LINGO2: variants seen among roughly 807,000 people sequenced by gnomAD.
LINGO2 encodes leucine-rich repeat and immunoglobulin-like domain-containing nogo receptor-interacting protein 2.
A neutral mutation model predicts 30.6 loss-of-function variants in LINGO2; 14 were observed. The ratio of observed to expected loss-of-function variants is 0.46; its 90% CI spans 0.30 to 0.72. The LOEUF is 0.72. Among genes scored for constraint, LINGO2 ranks in the 30% least tolerant of loss-of-function variants. LINGO2 has a pLI of 0.07. For synonymous variants in LINGO2, 317 were observed against 288.5 expected (o/e 1.10, Z -1.00); for missense variants, 729 against 751.7 (o/e 0.97, Z 0.35).
intron 1 of LINGO2, among the ~76,000 whole-genome samples, chr9:28,598,515 T>C (rs890208607): frequency 6.7e-6 from 1 of 148,556 alleles, no homozygotes; most frequent in East Asian, 2.0e-4. Flanking sequence ...CCAGGGAAAA[T>C]AGCAGGTGGC....
At chr9:27,945,403 G>GA (rs1282965838), downstream of LINGO2, among the ~76,000 whole-genome samples, 5 of 152,022 alleles carry the variant, frequency 3.3e-5, no homozygotes, top group Non-Finnish European at 7.4e-5. Context: ...ACAGAATAAT[G>GA]AAAAAAGAAT....
At chr9:28,027,825 T>C (rs1823458207) in intron 4 of LINGO2, among the ~76,000 whole-genome samples, 1 of 152,148 alleles carries the variant, frequency 6.6e-6, no homozygotes. Context: ...TAGACAGCAA[T>C]TGGTAGTGAT....
intron 3 of LINGO2, among the ~76,000 whole-genome samples, chr9:28,332,730 A>G (rs532316699): frequency 3.4e-4 from 52 of 152,294 alleles, no homozygotes; most frequent in Admixed American, 7.8e-4. Flanking sequence ...GATTGAAACA[A>G]GAACCTTATT....
At chr9:28,540,258 GTC>G (rs375822027) in intron 1 of LINGO2, among the ~76,000 whole-genome samples, 5 of 136,898 alleles carry the variant, frequency 3.7e-5, no homozygotes, top group Non-Finnish European at 3.2e-5. Flanking sequence ...CTCTCTTTCT[GTC>G]TCTCTCTCTC....
At chr9:29,169,359 T>C in the LINGO2 span, among the ~76,000 whole-genome samples, 1 of 151,760 alleles carries the variant, frequency 6.6e-6, no homozygotes, top group African/African-American at 2.4e-5. Context: ...TAATCAAAGG[T>C]GATAAAAAGA....
At chr9:28,206,322 A>C (rs1242247189) in intron 4 of LINGO2, among the ~76,000 whole-genome samples, 1 of 152,140 alleles carries the variant, frequency 6.6e-6, no homozygotes, top group African/African-American at 2.4e-5. Context: ...CTTAGCACTC[A>C]TCTCCAAGAG....
chr9:28,108,009 T>C (rs10812742), intron 4 of LINGO2, among the ~76,000 whole-genome samples: 69,200 of 151,934 alleles, frequency 0.46, 17,613 homozygotes, highest in East Asian at 0.67. Context: ...AACACAGATA[T>C]GAAAATAATA....
At chr9:28,870,531 G>GTATTTTC in the LINGO2 span, among the ~76,000 whole-genome samples, 2 of 151,912 alleles carry the variant, frequency 1.3e-5, no homozygotes, top group Non-Finnish European at 2.9e-5. Context: ...TGCTAGTATA[G>GTATTTTC]TATTTTCTAT....
intron 4 of LINGO2, among the ~76,000 whole-genome samples, chr9:28,238,842 C>G (rs1210517530): frequency 6.6e-6 from 1 of 150,920 alleles, no homozygotes; most frequent in Non-Finnish European, 1.5e-5. Context: ...ATAAATGAAA[C>G]AAATAGTTGT....
chr9:28,522,518 G>A (rs923220984), intron 1 of LINGO2, among the ~76,000 whole-genome samples: 7 of 152,268 alleles, frequency 4.6e-5, no homozygotes, highest in African/African-American at 1.7e-4. Flanking sequence ...AGCACCAGAA[G>A]AGTCATAAGC....
chr9:28,024,984 C>T (rs555038165), intron 4 of LINGO2, among the ~76,000 whole-genome samples: 3 of 152,232 alleles, frequency 2.0e-5, no homozygotes, highest in East Asian at 3.9e-4. Flanking sequence ...GCCTAGCACC[C>T]GGGCGAGATC....
chr9:28,297,989 A>C (rs768378710), intron 3 of LINGO2, among the ~76,000 whole-genome samples: 48 of 152,198 alleles, frequency 3.2e-4, no homozygotes, highest in Admixed American at 1.2e-3. Context: ...GTTTTCTCTA[A>C]AAGGAGATAC....
chr9:28,620,879 G>A (rs1054874270), intron 1 of LINGO2, among the ~76,000 whole-genome samples: 1 of 151,942 alleles, frequency 6.6e-6, no homozygotes, highest in African/African-American at 2.4e-5. Flanking sequence ...TAATGGTTAC[G>A]AGGCTTAATA....
chr9:28,470,120 T>A (rs1030824661), intron 2 of LINGO2, among the ~76,000 whole-genome samples: 1 of 152,158 alleles, frequency 6.6e-6, no homozygotes, highest in East Asian at 1.9e-4. Flanking sequence ...AGTTTTCCTA[T>A]GCATTGGAGT....
At chr9:28,524,667 C>T (rs992197269) in intron 1 of LINGO2, among the ~76,000 whole-genome samples, 12 of 152,100 alleles carry the variant, frequency 7.9e-5, no homozygotes, top group Admixed American at 5.9e-4. Context: ...GCAGGAGAAT[C>T]GCCTGAACCC....
At chr9:28,952,587 A>G in the LINGO2 span, among the ~76,000 whole-genome samples, 18 of 152,130 alleles carry the variant, frequency 1.2e-4, no homozygotes, top group Admixed American at 1.2e-3. Flanking sequence ...GAGGACTTGC[A>G]TCTTCTCCTC....
rs115596988 is a variant in LINGO2 at position 27,952,376 on chromosome 9, T to C, written c.-35-1670A>G. Among the ~76,000 whole-genome samples the C allele has an allele frequency of 6.9e-3, 1,054 of 152,066 alleles. 10 individuals are homozygous for C. The highest frequency in any genetic ancestry group is 0.024 in the African/African-American group (1,002 of 41,558). On this transcript the variant is annotated intron_variant, in intron 5 of 5. Coordinates refer to ENST00000379992, the Ensembl canonical transcript of LINGO2. Reference sequence around the variant, plus strand: ...TGTACTATGTAGAGAGATTAAATATTATAAAAATATTGATTTCTTTTTCCA... The same window carrying C: ...TGTACTATGTAGAGAGATTAAATATCATAAAAATATTGATTTCTTTTTCCA...
chr9:29,119,926 A>G, the LINGO2 span, among the ~76,000 whole-genome samples: 1 of 152,166 alleles, frequency 6.6e-6, no homozygotes. Context: ...TTTAAGAACT[A>G]CTTGAAAAGA....
the LINGO2 span, among the ~76,000 whole-genome samples, chr9:28,868,234 C>A: frequency 6.6e-6 from 1 of 152,006 alleles, no homozygotes; most frequent in East Asian, 1.9e-4. Flanking sequence ...GTGAATAAGT[C>A]CTCATTGATG....
Sources: gnomAD v4.1 joint callset for allele counts (sites outside exome capture counted in the v4.1 genomes callset) on GRCh38, gnomAD v4.1.1 for gene constraint, MANE v1.5 for transcripts, NCBI Gene and HGNC (gene_info 2026-07-23, HGNC 2026-07-21) for gene names.